Variants in CELF4 observed in about 807,000 individuals in gnomAD.
CELF4 encodes the protein CUGBP Elav-like family member 4.
CELF4 carries 18 observed loss-of-function variants against 59.9 expected under a neutral mutation model. The ratio of observed to expected loss-of-function variants is 0.30; its 90% CI spans 0.21 to 0.45. The LOEUF (loss-of-function observed/expected upper bound fraction) is 0.45, where lower values mean the gene tolerates loss of function less well. CELF4 is among the 20% of genes least tolerant of loss of function. CELF4 has a pLI of 1.00. For synonymous variants in CELF4, 261 were observed against 267.1 expected (o/e 0.98, Z 0.22); for missense variants, 456 against 689.0 (o/e 0.66, Z 3.79).
At chr18:37,485,419 C>T (rs1192111430) in intron 2 of CELF4, 106 bp downstream of exon 2, 29 of 433,910 alleles carry the variant, frequency 6.7e-5, no homozygotes, top group African/African-American at 5.6e-4. Context: ...GGCGGGGCGG[C>T]GGGCGCCCTG....
chr18:37,393,219 T>A (rs1480131076), intron 2 of CELF4, among the ~76,000 whole-genome samples: 2 of 152,136 alleles, frequency 1.3e-5, no homozygotes, highest in African/African-American at 4.8e-5. Context: ...TACCTCCTGG[T>A]CAAGGGGTGC....
intron 2 of CELF4, among the ~76,000 whole-genome samples, chr18:37,464,718 G>C (rs951780581): frequency 6.6e-6 from 1 of 152,224 alleles, no homozygotes; most frequent in African/African-American, 2.4e-5. Flanking sequence ...CTCACAGATG[G>C]GGAGTGGAGA....
At chr18:37,480,599 T>C (rs930409902) in intron 2 of CELF4, among the ~76,000 whole-genome samples, 1 of 152,174 alleles carries the variant, frequency 6.6e-6, no homozygotes, top group Middle Eastern at 3.2e-3. Context: ...ATTAGATGGA[T>C]CCCTCAATGG....
chr18:37,418,051 T>C (rs981158775), intron 2 of CELF4, among the ~76,000 whole-genome samples: 4 of 152,200 alleles, frequency 2.6e-5, no homozygotes, highest in Non-Finnish European at 4.4e-5. Context: ...GTGAGGGGCA[T>C]CATGAAAATC....
At chr18:37,492,683 A>T (rs1385259432) in intron 1 of CELF4, among the ~76,000 whole-genome samples, 5 of 151,380 alleles carry the variant, frequency 3.3e-5, no homozygotes, top group African/African-American at 1.2e-4. Flanking sequence ...ACCCGGCTGG[A>T]GTCTACACAG....
intron 2 of CELF4, among the ~76,000 whole-genome samples, chr18:37,371,835 G>T (rs1176969364): frequency 6.6e-6 from 1 of 152,198 alleles, no homozygotes; most frequent in Non-Finnish European, 1.5e-5. Flanking sequence ...TGACTCAGGG[G>T]CCCAGGAAGA....
chr18:37,389,207 A>T (rs1028816090), intron 2 of CELF4, among the ~76,000 whole-genome samples: 24 of 152,098 alleles, frequency 1.6e-4, no homozygotes, highest in African/African-American at 5.8e-4. Context: ...ATGTGACGAG[A>T]TGGGGACCAG....
At chr18:37,353,036 A>G (rs1243704619) in intron 2 of CELF4, among the ~76,000 whole-genome samples, 1 of 151,986 alleles carries the variant, frequency 6.6e-6, no homozygotes, top group Non-Finnish European at 1.5e-5. Flanking sequence ...CCTGGCTAAC[A>G]CGGTGAAACC....
chr18:37,289,539 C>T (rs1159603891), intron 3 of CELF4, among the ~76,000 whole-genome samples: 1 of 152,016 alleles, frequency 6.6e-6, no homozygotes, highest in Non-Finnish European at 1.5e-5. Context: ...TAGTACGCCC[C>T]AGCTCGTCCC....
chr18:37,334,839 G>C (rs1464974060), intron 2 of CELF4, among the ~76,000 whole-genome samples: 1 of 152,104 alleles, frequency 6.6e-6, no homozygotes, highest in Non-Finnish European at 1.5e-5. Flanking sequence ...CCCACACCAA[G>C]TAAATGACAA....
At chr18:37,424,203 C>T (rs1459634603) in intron 2 of CELF4, among the ~76,000 whole-genome samples, 1 of 152,152 alleles carries the variant, frequency 6.6e-6, no homozygotes, top group Non-Finnish European at 1.5e-5. Context: ...GGCCTAGGAA[C>T]GAGAGGCTCT....
intron 2 of CELF4, among the ~76,000 whole-genome samples, chr18:37,450,067 A>G (rs1467610867): frequency 6.6e-6 from 1 of 152,082 alleles, no homozygotes; most frequent in Non-Finnish European, 1.5e-5. Context: ...TGGAGGGGCC[A>G]GGGTGGGGGA....
At chr18:37,425,563 A>C (rs958260471) in intron 2 of CELF4, among the ~76,000 whole-genome samples, 10 of 152,246 alleles carry the variant, frequency 6.6e-5, no homozygotes, top group African/African-American at 9.6e-5. Context: ...TAAAAGAACG[A>C]AGGAAAAGGA....
rs138511067 is a variant in CELF4 at position 37,306,719 on chromosome 18, T to G, written c.448+15084A>C. On this transcript the variant is annotated intron_variant, in intron 3 of 12. Transcript: ENST00000420428. The stretch of plus-strand genomic sequence containing the variant: ...CCCGATGGCATGCCGTGGTGAGCGG[T>G]GAGCGGATAAAAGGAAATGTCCCAG... Among the ~76,000 whole-genome samples, 301 of 152,138 alleles carry G rather than the reference T, an allele frequency of 2.0e-3. 3 individuals are homozygous for G. Among genetic ancestry groups the G allele is most frequent in the African/African-American group, 7.0e-3 (291 of 41,504 alleles).
rs188133223 is a variant in CELF4, at chr18:37,390,290, G to A, written c.370-68409C>T. ...TTCCTCTCGGTTCCAGGACGCCCCC[G>A]ACAGCTCCCAGAGCCCTGGGGATGA... On this transcript the variant is annotated intron_variant, in intron 2 of 12. Coordinates refer to ENST00000420428, the MANE Select transcript of CELF4 (RefSeq NM_020180.4). Among the ~76,000 whole-genome samples, 147 of 152,294 alleles carry A rather than the reference G, an allele frequency of 9.7e-4. 1 individual carries two copies. The highest frequency in any genetic ancestry group is 3.4e-3 in the Middle Eastern group (1 of 294).
chr18:37,374,018 A>G (rs752809073), intron 2 of CELF4, among the ~76,000 whole-genome samples: 1 of 152,230 alleles, frequency 6.6e-6, no homozygotes, highest in African/African-American at 2.4e-5. Context: ...CCGAAGGATA[A>G]TGTAGGAGGT....
At chr18:37,262,711 C>T (rs981286067) in intron 10 of CELF4, among the ~76,000 whole-genome samples, 2 of 152,186 alleles carry the variant, frequency 1.3e-5, no homozygotes, top group Non-Finnish European at 2.9e-5. Flanking sequence ...GCTCTCTGTT[C>T]TGGACCTGGA....
chr18:37,471,718 G>A (rs1452755166), intron 2 of CELF4, among the ~76,000 whole-genome samples: 3 of 152,176 alleles, frequency 2.0e-5, no homozygotes, highest in Admixed American at 1.3e-4. Context: ...CAGGAGGGAA[G>A]CCCCAGGGGC....
intron 2 of CELF4, among the ~76,000 whole-genome samples, chr18:37,426,963 T>A (rs1475396326): frequency 3.4e-4 from 35 of 102,482 alleles, no homozygotes; most frequent in East Asian, 6.1e-4. Flanking sequence ...TTACAAGGAG[T>A]AAAAAAAAAA....
Sources: gnomAD v4.1 joint callset for allele counts (sites outside exome capture counted in the v4.1 genomes callset) on GRCh38, gnomAD v4.1.1 for gene constraint, MANE v1.5 for transcripts, NCBI Gene and HGNC (gene_info 2026-07-23, HGNC 2026-07-21) for gene names.